TOGARAM2: variants seen among roughly 807,000 people sequenced by gnomAD.
TOGARAM2 encodes the protein TOG array regulator of axonemal microtubules protein 2.
TOGARAM2 carries 85 observed loss-of-function variants against 93.3 expected under a neutral mutation model. The ratio of observed to expected loss-of-function variants is 0.91; its 90% CI spans 0.76 to 1.09. The LOEUF (loss-of-function observed/expected upper bound fraction) is 1.09. Among genes scored for constraint, TOGARAM2 ranks in the 50% least tolerant of loss-of-function variants. The pLI, the probability that TOGARAM2 is intolerant of heterozygous loss-of-function variation, is 0.00. For synonymous variants in TOGARAM2, 593 were observed against 552.8 expected, an observed-to-expected ratio of 1.07 and a Z score of -1.02; for missense variants, 1,277 against 1,334.5, an observed-to-expected ratio of 0.96 and a Z score of 0.67.
intron 6 of TOGARAM2, among the ~76,000 whole-genome samples, chr2:29,007,935 T>C (rs565444399): frequency 6.6e-6 from 1 of 151,936 alleles, no homozygotes; most frequent in East Asian, 1.9e-4. Flanking sequence ...CTCACCCCTT[T>C]CCCCACCCAT....
chr2:28,983,352 G>A (rs1041134153), intron 1 of TOGARAM2, among the ~76,000 whole-genome samples: 4 of 146,606 alleles, frequency 2.7e-5, no homozygotes, highest in Admixed American at 2.7e-4. Flanking sequence ...GCCTATGTAT[G>A]CATTTCTAAA....
At chr2:28,970,627 T>C (rs893524301) in intron 1 of TOGARAM2, among the ~76,000 whole-genome samples, 1 of 152,204 alleles carries the variant, frequency 6.6e-6, no homozygotes, top group Non-Finnish European at 1.5e-5. Flanking sequence ...TGCTTCTCCC[T>C]GGCGGTGAGG....
intron 7 of TOGARAM2, among the ~76,000 whole-genome samples, chr2:29,013,615 A>G (rs1369693786): frequency 2.0e-5 from 3 of 152,176 alleles, no homozygotes; most frequent in African/African-American, 7.2e-5. Context: ...GGGCAGGAGG[A>G]GTAGAAGGAA....
chr2:29,049,525 T>G (rs1020099019), intron 19 of TOGARAM2: 4 of 152,266 alleles, frequency 2.6e-5, no homozygotes, highest in African/African-American at 9.6e-5. Flanking sequence ...AGGCGGCTAC[T>G]CAGGGTCATT....
At chr2:28,970,893 C>G (rs983429681) in intron 1 of TOGARAM2, 1 of 152,170 alleles carries the variant, frequency 6.6e-6, no homozygotes, top group Non-Finnish European at 1.5e-5. Flanking sequence ...TCTTTTCTTC[C>G]ATTCACATCA....
chr2:29,029,151 A>G (rs953188407), intron 14 of TOGARAM2, among the ~76,000 whole-genome samples: 1 of 152,212 alleles, frequency 6.6e-6, no homozygotes, highest in Non-Finnish European at 1.5e-5. Context: ...TTGTTCACGC[A>G]TGTTTATAGC....
intron 3 of TOGARAM2, among the ~76,000 whole-genome samples, chr2:28,998,875 T>C (rs1205560536): frequency 2.6e-5 from 4 of 152,108 alleles, no homozygotes; most frequent in African/African-American, 9.7e-5. Context: ...GATTGGTGGA[T>C]GGTGGTCCCT....
At chr2:29,037,582 C>A (rs1279190343) in intron 18 of TOGARAM2, among the ~76,000 whole-genome samples, 1 of 152,148 alleles carries the variant, frequency 6.6e-6, no homozygotes, top group African/African-American at 2.4e-5. Flanking sequence ...TCCCCCTCCC[C>A]CCGACCCCAC....
rs200413260 is a variant in TOGARAM2 at position 29,051,933 on chromosome 2, G to A, written c.2900G>A (p.Arg967His). The part of the protein sequence containing the change: ...SRSLQEHMGS[R>H]LLDFAASQPK... ...AGCCTCCAGGAGCACATGGGCTCCC[G>A]CCTGCTGGACTTTGCCGCCAGCCAG... Residue 967 changes from arginine (R) to histidine (H), a missense_variant, in exon 20 of 20, where the codon CGC (arginine) becomes CAC (histidine). Arg to His is a conservative substitution (Grantham distance 29). Coordinates refer to ENST00000379558, the MANE Select transcript of TOGARAM2 (RefSeq NM_199280.4). 579 of 1,602,588 alleles carry A rather than the reference G, an allele frequency of 3.6e-4. No individual in the cohort carries two copies. Among genetic ancestry groups the A allele is most frequent in the African/African-American group, 7.4e-4 (55 of 74,808 alleles).
At chr2:29,038,414 A>G (rs184276833) in intron 18 of TOGARAM2, among the ~76,000 whole-genome samples, 38 of 152,328 alleles carry the variant, frequency 2.5e-4, no homozygotes, top group African/African-American at 8.7e-4. Context: ...AATGGAGTCC[A>G]GTAAATCCCT....
intron 13 of TOGARAM2, among the ~76,000 whole-genome samples, chr2:29,024,601 T>C (rs2148351665): frequency 6.6e-6 from 1 of 152,250 alleles, no homozygotes; most frequent in Non-Finnish European, 1.5e-5. Context: ...TGCTTCCCAC[T>C]TAGCTGGGGG....
intron 6 of TOGARAM2, among the ~76,000 whole-genome samples, chr2:29,008,463 A>G (rs903170765): frequency 8.4e-6 from 1 of 119,182 alleles, no homozygotes; most frequent in African/African-American, 3.3e-5. Flanking sequence ...TTAAAAATAT[A>G]TATATTTTTT....
intron 17 of TOGARAM2, among the ~76,000 whole-genome samples, chr2:29,036,320 G>A (rs978966841): frequency 5.3e-5 from 8 of 152,178 alleles, no homozygotes; most frequent in Non-Finnish European, 2.9e-5. Context: ...CTGGACACTT[G>A]GCATGCAATG....
intron 18 of TOGARAM2, among the ~76,000 whole-genome samples, chr2:29,044,896 A>G (rs1440966892): frequency 3.3e-5 from 5 of 152,056 alleles, no homozygotes; most frequent in African/African-American, 1.2e-4. Context: ...CCCCTAAAAC[A>G]TATCTGTATA....
chr2:28,960,494 C>T (rs1222760086), intron 1 of TOGARAM2, among the ~76,000 whole-genome samples: 2 of 152,178 alleles, frequency 1.3e-5, no homozygotes, highest in Non-Finnish European at 2.9e-5. Context: ...CACACTCACT[C>T]ACTGGGTTTG....
chr2:29,043,382 A>C (rs1427946552), intron 18 of TOGARAM2, among the ~76,000 whole-genome samples: 1 of 152,204 alleles, frequency 6.6e-6, no homozygotes, highest in Non-Finnish European at 1.5e-5. Flanking sequence ...TGATGAGAAA[A>C]ACAAAGCACT....
At chr2:28,992,326 G>T (rs1480006218) in intron 1 of TOGARAM2, among the ~76,000 whole-genome samples, 1 of 152,174 alleles carries the variant, frequency 6.6e-6, no homozygotes, top group African/African-American at 2.4e-5. Flanking sequence ...GCACCTAGGA[G>T]ATCCTGCACT....
At chr2:28,991,634 A>T (rs958047628) in intron 1 of TOGARAM2, among the ~76,000 whole-genome samples, 1 of 152,162 alleles carries the variant, frequency 6.6e-6, no homozygotes, top group Non-Finnish European at 1.5e-5. Flanking sequence ...GGGTGGGATG[A>T]GTCTGCCCAG....
In TOGARAM2 at chr2:29,036,641, G is replaced by C. The variant is rs145243448; in HGVS notation, c.2519G>C (p.Ser840Thr). 5.5e-5 allele frequency: 88 copies of C among 1,614,012 alleles called. No homozygotes were observed. In the East Asian group the frequency reaches 1.9e-3, roughly 35 times the overall value. ...AAGATGATCCCCCTCCTCAGAGAGA[G>C]CTTACACCCCATGCTGCTCTCCATC... Reference protein sequence around the residue: ...FAKMIPLLRESLHPMLLSIII... With the variant: ...FAKMIPLLRETLHPMLLSIII... Residue 840 changes from serine to threonine, a missense_variant, in exon 18 of 20, where the codon AGC becomes ACC. Physicochemically the swap from Ser to Thr is moderately conservative, Grantham distance 58. Coordinates refer to ENST00000379558, the MANE Select transcript of TOGARAM2 (RefSeq NM_199280.4).
Sources: allele counts gnomAD v4.1 joint callset (sites outside exome capture counted in the v4.1 genomes callset), GRCh38; gene constraint gnomAD v4.1.1; transcripts MANE v1.5; gene names NCBI Gene and HGNC (gene_info 2026-07-23, HGNC 2026-07-21).